WRNIP1: variants seen among roughly 807,000 people sequenced by gnomAD.
WRNIP1 encodes the protein ATPase WRNIP1.
Under a neutral mutation model 56.1 loss-of-function variants are expected in WRNIP1, and 41 were observed. That is an observed-to-expected ratio of 0.73 (90% CI 0.57 to 0.95). WRNIP1 has a LOEUF of 0.95. WRNIP1 is among the 40% of genes least tolerant of loss of function. The probability of loss-of-function intolerance (pLI) is 0.00; values close to 1 mark genes in which losing one functional copy is unlikely to be tolerated. For missense variants in WRNIP1, 1,170 were observed against 939.4 expected, an observed-to-expected ratio of 1.25 and a Z score of -3.21; for synonymous variants, 547 against 398.1, an observed-to-expected ratio of 1.37 and a Z score of -4.45.
Position 2,765,789 on chromosome 6 carries a change from G to T in WRNIP1, c.167G>T (p.Arg56Leu). The change falls in exon 1 of 7, where the codon CGC becomes CTC. Residue 56 changes from arginine to leucine, a missense_variant. Transcript: ENST00000380773. ...GHAEPAAGSH[R>L]AGERAKGPSP... ...GCGGAGCCCGCGGCCGGGTCGCACC[G>T]CGCCGGGGAGCGGGCCAAGGGGCCC... 1 of 1,416,180 alleles carries T rather than the reference G, an allele frequency of 7.1e-7. No individual in the cohort carries two copies. The highest frequency in any genetic ancestry group is 9.2e-7 in the Non-Finnish European group (1 of 1,085,760). 87.7% of individuals were successfully genotyped at this position (1,416,180 alleles called of 1,614,324 possible). A position where few individuals can be genotyped will look rare whatever the true frequency, so the allele number is the denominator to read the frequency against.
chr6:2,775,449 T>C (rs1029818068), intron 3 of WRNIP1, among the ~76,000 whole-genome samples: 1 of 152,260 alleles, frequency 6.6e-6, no homozygotes, highest in Non-Finnish European at 1.5e-5. Context: ...ACCCTGACCA[T>C]GAAATGTTCC....
intron 4 of WRNIP1, among the ~76,000 whole-genome samples, chr6:2,780,867 C>T (rs1273596874): frequency 1.3e-5 from 2 of 152,146 alleles, no homozygotes; most frequent in Non-Finnish European, 2.9e-5. Context: ...ATCAGACTGT[C>T]ACTTGAGATC....
In WRNIP1 at chr6:2,770,198, A is replaced by G. The variant is rs1447328767; in HGVS notation, c.1093A>G (p.Asn365Asp). 1.2e-6 allele frequency: 2 copies of G among 1,614,226 alleles called. No individual in the cohort carries two copies. The highest frequency in any genetic ancestry group is 2.2e-5 in the South Asian group (2 of 91,082). The change falls in exon 3 of 7, where the codon AAC (asparagine) becomes GAC (aspartate). Residue 365 changes from asparagine (N) to aspartate (D), a missense_variant. Coordinates refer to ENST00000380773, the MANE Select transcript of WRNIP1 (RefSeq NM_020135.3). The stretch of plus-strand genomic sequence containing the variant: ...CACTGAAAACCCTTCCTTCCAGGTC[A>G]ACGCTGCTCTTCTGAGCCGCTGTCG... ...ATTENPSFQV[N>D]AALLSRCRVI...
At chr6:2,778,457 T>C (rs1015992046) in intron 3 of WRNIP1, among the ~76,000 whole-genome samples, 1 of 152,222 alleles carries the variant, frequency 6.6e-6, no homozygotes, top group African/African-American at 2.4e-5. Context: ...TGATCATAGT[T>C]AGATCTTATT....
intron 3 of WRNIP1, among the ~76,000 whole-genome samples, chr6:2,772,336 C>T (rs558363635): frequency 2.0e-5 from 3 of 152,244 alleles, no homozygotes; most frequent in East Asian, 1.9e-4. Flanking sequence ...TTTCCACTAC[C>T]GCTTGCTTAG....
chr6:2,776,262 C>A (rs1314256686), intron 3 of WRNIP1, among the ~76,000 whole-genome samples: 1 of 152,152 alleles, frequency 6.6e-6, no homozygotes, highest in Non-Finnish European at 1.5e-5. Context: ...TTAAGTGGAA[C>A]CTTTCCCTGC....
Position 2,770,356 on chromosome 6 carries a change from C to G in WRNIP1, c.1251C>G (p.Ser417Arg). Residue 417 changes from serine to arginine, a missense_variant, in exon 3 of 7, where the codon AGC becomes AGG. Coordinates refer to ENST00000380773, the MANE Select transcript of WRNIP1 (RefSeq NM_020135.3). ...CTCTGAGCCACAGCAGCAACAGCAG[C>G]TCAGAGTAAGTTGACAGTGTGCAGC... Reference protein sequence around the residue: ...TDPLSHSSNSSSEPAMFIEDK... With the variant: ...TDPLSHSSNSRSEPAMFIEDK... 1 of 1,614,146 alleles carries G rather than the reference C, an allele frequency of 6.2e-7. No individual in the cohort carries two copies. The highest frequency in any genetic ancestry group is 8.5e-7 in the Non-Finnish European group (1 of 1,180,032).
chr6:2,783,539 C>A lies in WRNIP1; in HGVS notation c.1620C>A (p.Val540=). The A allele has an allele frequency of 6.2e-7, 1 of 1,610,884 alleles. No homozygotes were observed. The highest frequency in any genetic ancestry group is 1.1e-5 in the South Asian group (1 of 90,760). Residue 540 remains valine (V), a synonymous_variant, in exon 5 of 7, where the codon GTC becomes GTA. Coordinates refer to ENST00000380773, the MANE Select transcript of WRNIP1 (RefSeq NM_020135.3). ...CACTCTACGTGGCACGGAGGCTTGT[C>A]AGGTTTGCCAGCGAGGACATAGGTG... The part of the protein sequence containing the change: ...EDPLYVARRL[V]RFASEDIGLA...
chr6:2,783,673 G>GCGGCC, intron 5 of WRNIP1, 112 bp downstream of exon 5: 1 of 404,230 alleles, frequency 2.5e-6, no homozygotes. Context: ...GGTGGGCGGG[G>GCGGCC]GTAGCAGGAA....
intron 2 of WRNIP1, 33 bp from the exon 3 acceptor site, chr6:2,770,087 A>T (rs1252961874): frequency 6.2e-7 from 1 of 1,611,878 alleles, no homozygotes; most frequent in South Asian, 1.1e-5. Flanking sequence ...TGTTGACTGG[A>T]ATCACTTTTT....
Position 2,783,653 on chromosome 6 carries a change from T to TTTTTTGG in WRNIP1, c.1642+92_1642+93insTTTTTGG. The TTTTTTGG allele has an allele frequency of 1.8e-3, 220 of 120,056 alleles. 4 individuals are homozygous for TTTTTTGG. The highest frequency in any genetic ancestry group is 4.0e-3 in the Admixed American group (14 of 3,498). The allele number at this position is 120,056 out of a possible 1,614,324, so 7.4% of individuals were successfully genotyped here. A position where few individuals can be genotyped will look rare whatever the true frequency, so the allele number is the denominator to read the frequency against. On this transcript the variant is annotated intron_variant, in intron 5 of 6. Coordinates refer to ENST00000380773, the MANE Select transcript of WRNIP1 (RefSeq NM_020135.3). Reference sequence around the variant, plus strand: ...TCGTGGCTTTTTTTTTTTTTTTTTTTGCAGGGCGGGGTGGGCGGGGGTAGC... The same window carrying TTTTTTGG: ...TCGTGGCTTTTTTTTTTTTTTTTTTTTTTTTGGGCAGGGCGGGGTGGGCGGGGGTAGC...
intron 1 of WRNIP1, among the ~76,000 whole-genome samples, chr6:2,767,554 C>T (rs1043615106): frequency 6.6e-6 from 1 of 152,196 alleles, no homozygotes; most frequent in Non-Finnish European, 1.5e-5. Context: ...TAAACCACAT[C>T]TATCCCAAAT....
chr6:2,775,083 C>G (rs1265081193), intron 3 of WRNIP1, among the ~76,000 whole-genome samples: 2 of 152,124 alleles, frequency 1.3e-5, no homozygotes, highest in African/African-American at 4.8e-5. Context: ...AGTAACATGC[C>G]CAAGACCAAC....
chr6:2,783,597 C>A, intron 5 of WRNIP1, 36 bp downstream of exon 5: 2 of 1,096,078 alleles, frequency 1.8e-6, no homozygotes, highest in South Asian at 3.4e-5. Flanking sequence ...GTCCTATGTC[C>A]ATGAGGGTGG....
At chr6:2,772,273 T>A (rs1765314186) in intron 3 of WRNIP1, among the ~76,000 whole-genome samples, 1 of 152,258 alleles carries the variant, frequency 6.6e-6, no homozygotes, top group Non-Finnish European at 1.5e-5. Flanking sequence ...ATTGTTTATC[T>A]GCTAAAATTG....
Position 2,766,450 on chromosome 6 carries a change from T to G in WRNIP1, c.822+6T>G, listed in dbSNP as rs1764993231. 4 of 1,526,652 alleles carry G rather than the reference T, an allele frequency of 2.6e-6. No homozygotes were observed. The highest frequency in any genetic ancestry group is 3.5e-6 in the Non-Finnish European group (4 of 1,127,062). 94.6% of individuals were successfully genotyped at this position (1,526,652 alleles called of 1,614,324 possible). A position where few individuals can be genotyped will look rare whatever the true frequency, so the allele number is the denominator to read the frequency against. ...GGCCGCCGGGCTGCGGCAAGGTGAG[T>G]GCGGCCTTGGCCGTTGGGCTTCCGT... On this transcript the variant is annotated splice_donor_region_variant and intron_variant, in intron 1 of 6. Coordinates refer to ENST00000380773, the MANE Select transcript of WRNIP1 (RefSeq NM_020135.3).
chr6:2,769,344 A>G (rs751196441), intron 2 of WRNIP1, among the ~76,000 whole-genome samples: 9 of 152,178 alleles, frequency 5.9e-5, no homozygotes, highest in Non-Finnish European at 1.0e-4. Context: ...ATTACTGTTT[A>G]TTTAAATGGG....
At chr6:2,781,200 TC>T (rs1765551332) in intron 4 of WRNIP1, among the ~76,000 whole-genome samples, 1 of 152,194 alleles carries the variant, frequency 6.6e-6, no homozygotes, top group African/African-American at 2.4e-5. Flanking sequence ...GAATCCCACT[TC>T]CTGAGCTCCA....
intron 3 of WRNIP1, among the ~76,000 whole-genome samples, chr6:2,772,041 C>T (rs1274671066): frequency 6.6e-6 from 1 of 152,118 alleles, no homozygotes; most frequent in Non-Finnish European, 1.5e-5. Flanking sequence ...TCAGTTGTTA[C>T]TCAGATACCC....
Sources: allele counts gnomAD v4.1 joint callset (sites outside exome capture counted in the v4.1 genomes callset), GRCh38; gene constraint gnomAD v4.1.1; transcripts MANE v1.5; gene names NCBI Gene and HGNC (gene_info 2026-07-23, HGNC 2026-07-21).